The following KRT85 variants were observed in gnomAD, a reference collection of about 807,000 sequenced individuals.
The protein encoded by KRT85 is keratin 85.
KRT85 carries 39 observed loss-of-function variants against 53.7 expected under a neutral mutation model. The ratio of observed to expected loss-of-function variants is 0.73; its 90% confidence interval spans 0.56 to 0.95. The LOEUF (loss-of-function observed/expected upper bound fraction) is 0.95, where lower values mean the gene tolerates loss of function less well. KRT85 is among the 40% of genes least tolerant of loss of function. KRT85 has a pLI of 0.00. For missense variants in KRT85, 668 were observed against 686.0 expected (o/e 0.97, Z 0.29); for synonymous variants, 291 against 277.5 (o/e 1.05, Z -0.48).
rs1017493705 is a variant in KRT85, at chr12:52,364,853, G to T, written c.629+109C>A. ...ACTGGATATCTGCTCTGGGTTCCAG[G>T]CAGCCTGCTAGAGGAATCTGAAAGA... is the stretch of plus-strand genomic sequence containing the variant. On this transcript the variant is annotated intron_variant, in intron 2 of 8. Transcript: ENST00000257901. 13 of 1,589,512 alleles carry T rather than the reference G, an allele frequency of 8.2e-6. No individual in the cohort carries two copies. The Admixed American group carries it at 2.0e-4, about 25-fold the overall frequency.
In KRT85 at chr12:52,367,181, G is replaced by T; in HGVS notation, c.225C>A (p.Ser75=). 1 of 1,613,842 alleles carries T rather than the reference G, an allele frequency of 6.2e-7. No individual in the cohort carries two copies. The highest frequency in any genetic ancestry group is 2.2e-5 in the East Asian group (1 of 44,886). Residue 75 remains serine, a synonymous_variant, in exon 1 of 9, where the codon TCC becomes TCA. Transcript: ENST00000257901. ...RIAVGGFRAG[S]CGRSFGYRSG... ...AGCGGTAGCCGAAGCTGCGTCCGCA[G>T]GAGCCGGCTCGGAAGCCACCTACAG...
At position 52,367,145 on chromosome 12, in the gene KRT85, C is replaced by G. The variant is rs1939285327; in HGVS notation, c.261G>C (p.Val87=). Residue 87 remains valine (V), a synonymous_variant, in exon 1 of 9, where the codon GTG becomes GTC. Transcript: ENST00000257901. ...GRSFGYRSGG[V]CGPSPPCITT... ...TGATGCATGGGGGGCTGGGTCCGCA[C>G]ACGCCCCCGGAGCGGTAGCCGAAGC... The G allele has an allele frequency of 6.2e-7, 1 of 1,613,546 alleles. No individual in the cohort carries two copies. The highest frequency in any genetic ancestry group is 8.5e-7 in the Non-Finnish European group (1 of 1,180,040).
rs752217996 is a variant in KRT85 at position 52,367,315 on chromosome 12, G to A, written c.91C>T (p.Arg31Cys). ...TAGGGGGCGGCGCTGATGCAGCAGC[G>A]GTTGCCAGTTTTGGGGGCCACAGCT... Reference protein sequence around the residue: ...CSAVAPKTGNRCCISAAPYRG... With the variant: ...CSAVAPKTGNCCCISAAPYRG... Residue 31 changes from arginine to cysteine, a missense_variant, in exon 1 of 9, where the codon CGC (arginine) becomes TGC (cysteine). By Grantham distance (180) the Arg-to-Cys change is radical. Coordinates refer to ENST00000257901, the MANE Select transcript of KRT85 (RefSeq NM_002283.4). 1.5e-5 allele frequency: 24 copies of A among 1,613,814 alleles called. 1 individual carries two copies. The East Asian group carries it at 4.7e-4, about 31-fold the overall frequency.
chr12:52,365,726 C>T (rs1049470719), intron 1 of KRT85, among the ~76,000 whole-genome samples: 1 of 152,068 alleles, frequency 6.6e-6, no homozygotes, highest in African/African-American at 2.4e-5. Flanking sequence ...TTATCACAGC[C>T]CTGTGGGATG....
At chr12:52,364,565 T>C (rs1474235535) in intron 2 of KRT85, 199 bp from the exon 3 acceptor site, 1 of 1,459,950 alleles carries the variant, frequency 6.8e-7, no homozygotes, top group African/African-American at 1.4e-5. Context: ...GCAGTCCTTC[T>C]GCCTCTGAGA....
rs201639644 is a variant in KRT85, at chr12:52,367,191, C to T, written c.215G>A (p.Arg72Gln). Residue 72 changes from arginine (R) to glutamine (Q), a missense_variant, in exon 1 of 9, where the codon CGA becomes CAA. This residue lies in a region of KRT85 where 158 missense variants were observed against 141.8 expected (regional missense o/e 1.11). Transcript: ENST00000257901. ...GAAGCTGCGTCCGCAGGAGCCGGCT[C>T]GGAAGCCACCTACAGCTATCCGGGG... ...CGPRIAVGGF[R>Q]AGSCGRSFGY... 7 of 1,613,854 alleles carry T rather than the reference C, an allele frequency of 4.3e-6. No individual in the cohort carries two copies. The East Asian group carries it at 1.3e-4, about 31-fold the overall frequency.
intron 1 of KRT85, among the ~76,000 whole-genome samples, chr12:52,366,620 C>T (rs569604403): frequency 2.6e-5 from 4 of 152,254 alleles, no homozygotes; most frequent in South Asian, 4.1e-4. Context: ...AACACACACA[C>T]GCTCACACAC....
intron 4 of KRT85, among the ~76,000 whole-genome samples, chr12:52,363,611 T>G (rs535487810): frequency 2.1e-4 from 32 of 152,284 alleles, no homozygotes; most frequent in African/African-American, 7.7e-4. Context: ...CTGGGAACAG[T>G]GTCTGCCTTA....
chr12:52,364,242 C>G, intron 3 of KRT85, 64 bp downstream of exon 3: 2 of 1,611,344 alleles, frequency 1.2e-6, no homozygotes, highest in Non-Finnish European at 1.7e-6. Context: ...CATGGTGACC[C>G]TGCCCCTCGC....
At position 52,362,304 on chromosome 12, in the gene KRT85, G is replaced by A; in HGVS notation, c.1245C>T (p.Gly415=). ...TGTAGGTGGCGATCTCGATGTCCAG[G>A]CCCAGCTTGGAGTTCATCACCTCCT... ...EYQEVMNSKL[G]LDIEIATYRR... is the part of the protein sequence containing the mutation. The change falls in exon 7 of 9, where the codon GGC becomes GGT. Residue 415 remains glycine, a synonymous_variant. Coordinates refer to ENST00000257901, the MANE Select transcript of KRT85 (RefSeq NM_002283.4). 1 of 1,614,104 alleles carries A rather than the reference G, an allele frequency of 6.2e-7. No individual in the cohort carries two copies. The highest frequency in any genetic ancestry group is 8.5e-7 in the Non-Finnish European group (1 of 1,180,008).
chr12:52,367,473 G>T lies in KRT85; in HGVS notation c.-68C>A, dbSNP rs1939292699. ...GCGGGCGGCAGAGTGCGAGGCTCAGGATCCTTCTGCTCTCTCTGATCCTCC... is the reference window on the plus strand; with the variant it reads ...GCGGGCGGCAGAGTGCGAGGCTCAGTATCCTTCTGCTCTCTCTGATCCTCC... On this transcript the variant is annotated 5_prime_UTR_variant, in exon 1 of 9. Transcript: ENST00000257901. The T allele has an allele frequency of 2.6e-6, 4 of 1,519,274 alleles. No homozygotes were observed. The East Asian group carries it at 6.9e-5, about 26-fold the overall frequency. The allele number at this position is 1,519,274 out of a possible 1,614,324, so 94.1% of individuals were successfully genotyped here. A position where few individuals can be genotyped will look rare whatever the true frequency, so the allele number is the denominator to read the frequency against.
At chr12:52,364,550 C>T in intron 2 of KRT85, 184 bp from the exon 3 acceptor site, 1 of 1,466,268 alleles carries the variant, frequency 6.8e-7, no homozygotes, top group South Asian at 1.4e-5. Context: ...TGGCTTCATT[C>T]CGCCGCAGTC....
chr12:52,366,870 C>T (rs1048368680), intron 1 of KRT85, 116 bp downstream of exon 1: 35 of 1,554,758 alleles, frequency 2.3e-5, no homozygotes, highest in East Asian at 1.3e-4. Context: ...TGGGTCTGCA[C>T]GTCATTCCCT....
intron 1 of KRT85, among the ~76,000 whole-genome samples, chr12:52,366,133 G>A (rs1360154932): frequency 1.3e-5 from 2 of 152,186 alleles, no homozygotes; most frequent in Admixed American, 1.3e-4. Context: ...TCACAGCTAT[G>A]CAGCGTTCTC....
rs749656522 is a variant in KRT85 at position 52,365,050 on chromosome 12, G to A, written c.541C>T (p.Arg181Trp). ...TCGGCCTCCACGCACTCGGCCTCCC[G>A]CCGCAGAGTCTCGATGTAGCCACTG... ...LFSGYIETLR[R>W]EAECVEADSG... Residue 181 changes from arginine (R) to tryptophan (W), a missense_variant, in exon 2 of 9, where the codon CGG (arginine) becomes TGG (tryptophan). Coordinates refer to ENST00000257901, the MANE Select transcript of KRT85 (RefSeq NM_002283.4). 6.8e-6 allele frequency: 11 copies of A among 1,613,514 alleles called. No homozygotes were observed. The highest frequency in any genetic ancestry group is 2.2e-5 in the East Asian group (1 of 44,894).
Position 52,362,353 on chromosome 12 carries a change from A to G in KRT85, c.1196T>C (p.Met399Thr). The G allele has an allele frequency of 6.2e-7, 1 of 1,614,184 alleles. No individual in the cohort carries two copies. Among genetic ancestry groups the G allele is most frequent in the African/African-American group, 1.3e-5 (1 of 75,046 alleles). The change falls in exon 7 of 9, where the codon ATG becomes ACG. Residue 399 changes from methionine (M) to threonine (T), a missense_variant. Transcript: ENST00000257901. ...CTGGTACTCCTTGAGCAGGCAGGCC[A>G]TGTCCTGCTTGGCCTTCTGCAGGGC... ...EGALQKAKQD[M>T]ACLLKEYQEV...
intron 5 of KRT85, 21 bp downstream of exon 5, chr12:52,363,225 C>A: frequency 6.2e-7 from 1 of 1,614,082 alleles, no homozygotes; most frequent in South Asian, 1.1e-5. Flanking sequence ...GCTTAGCAGG[C>A]AGGTGTCCTG....
chr12:52,364,601 C>T, intron 2 of KRT85: 1 of 1,441,256 alleles, frequency 6.9e-7, no homozygotes. Flanking sequence ...ACATTCCTTC[C>T]CCCAAGTCTA....
Position 52,364,323 on chromosome 12 carries a change from A to C in KRT85, c.673T>G (p.Phe225Val). ...VALRATAENE[F>V]VVLKKDVDCA... Reference sequence around the variant, plus strand: ...CCCCTCACCTTCTTTAGAACGACAAACTCATTCTCTGCTGTGGCTCTCAGG... The same window carrying C: ...CCCCTCACCTTCTTTAGAACGACAACCTCATTCTCTGCTGTGGCTCTCAGG... The change falls in exon 3 of 9, where the codon TTT becomes GTT. Residue 225 changes from phenylalanine to valine, a missense_variant. Coordinates refer to ENST00000257901, the MANE Select transcript of KRT85 (RefSeq NM_002283.4). 6.2e-7 allele frequency: 1 copy of C among 1,613,764 alleles called. No homozygotes were observed. The highest frequency in any genetic ancestry group is 8.5e-7 in the Non-Finnish European group (1 of 1,179,936).
Sources: gnomAD v4.1 joint callset for allele counts (sites outside exome capture counted in the v4.1 genomes callset) on GRCh38, gnomAD v4.1.1 for gene constraint, gnomAD v4.1.1 regional missense constraint, MANE v1.5 for transcripts, NCBI Gene and HGNC (gene_info 2026-07-23, HGNC 2026-07-21) for gene names.